Variants in CRPPA observed in about 807,000 individuals in gnomAD.
The protein encoded by CRPPA is D-ribitol-5-phosphate cytidylyltransferase.
CRPPA carries 43 observed loss-of-function variants against 52.0 expected under a neutral mutation model. The ratio of observed to expected loss-of-function variants is 0.83; its 90% CI spans 0.65 to 1.07. The LOEUF (loss-of-function observed/expected upper bound fraction) is 1.07, where lower values mean the gene tolerates loss of function less well. CRPPA is among the 50% of genes least tolerant of loss of function. The pLI is 0.00. For missense variants in CRPPA, 629 were observed against 551.7 expected (o/e 1.14, Z -1.40); for synonymous variants, 250 against 203.5 (o/e 1.23, Z -1.94).
intron 9 of CRPPA, among the ~76,000 whole-genome samples, chr7:16,129,663 T>C (rs758579979): frequency 4.6e-5 from 7 of 152,128 alleles, no homozygotes; most frequent in Non-Finnish European, 1.0e-4. Flanking sequence ...TATTTTATTG[T>C]CAAGGAGAGG....
At chr7:16,260,412 T>C (rs1347049164) in intron 6 of CRPPA, among the ~76,000 whole-genome samples, 2 of 152,030 alleles carry the variant, frequency 1.3e-5, no homozygotes, top group African/African-American at 2.4e-5. Flanking sequence ...CAAGGTTCTT[T>C]TTAAAGAACT....
In CRPPA at chr7:16,406,236, A is replaced by G. The variant is rs201328681; in HGVS notation, c.359T>C (p.Val120Ala). Residue 120 changes from valine (V) to alanine (A), a missense_variant, in exon 2 of 10, where the codon GTC becomes GCC. Coordinates refer to ENST00000407010, the MANE Select transcript of CRPPA (RefSeq NM_001101426.4). ...QKYQHKRISL[V>A]EAGVTRHRSI... Reference sequence around the variant, plus strand: ...CCTGTGGCGGGTCACTCCAGCTTCGACCAGTGAGATGCGTTTATGCTGATA... The same window carrying G: ...CCTGTGGCGGGTCACTCCAGCTTCGGCCAGTGAGATGCGTTTATGCTGATA... The G allele has an allele frequency of 6.2e-7, 1 of 1,613,948 alleles. No homozygotes were observed. Among genetic ancestry groups the G allele is most frequent in the South Asian group, 1.1e-5 (1 of 91,088 alleles).
At chr7:16,389,563 T>C (rs1787382595) in intron 2 of CRPPA, among the ~76,000 whole-genome samples, 1 of 152,006 alleles carries the variant, frequency 6.6e-6, no homozygotes, top group Non-Finnish European at 1.5e-5. Flanking sequence ...CACCCCTTTG[T>C]GAGAAAAGCA....
intron 9 of CRPPA, among the ~76,000 whole-genome samples, chr7:16,105,128 G>A (rs1286594684): frequency 6.6e-6 from 1 of 152,096 alleles, no homozygotes; most frequent in Non-Finnish European, 1.5e-5. Flanking sequence ...TGTAGAATAG[G>A]TGAGGTCAGC....
chr7:16,196,133 T>C (rs2128392032), intron 9 of CRPPA, among the ~76,000 whole-genome samples: 1 of 152,286 alleles, frequency 6.6e-6, no homozygotes, highest in South Asian at 2.1e-4. Context: ...AACATATATA[T>C]GTTGTCTTTT....
chr7:16,265,113 TAATA>T (rs1783919037), intron 6 of CRPPA, among the ~76,000 whole-genome samples: 1 of 152,294 alleles, frequency 6.6e-6, no homozygotes, highest in South Asian at 2.1e-4. Flanking sequence ...AGTTGTAAGC[TAATA>T]AATAAATTGG....
At chr7:16,279,931 G>A (rs1210896544) in intron 5 of CRPPA, among the ~76,000 whole-genome samples, 2 of 152,194 alleles carry the variant, frequency 1.3e-5, no homozygotes, top group Non-Finnish European at 2.9e-5. Flanking sequence ...GGCTGGGGAG[G>A]CCTCACAATC....
chr7:16,327,967 G>C (rs1785456647), intron 3 of CRPPA, among the ~76,000 whole-genome samples: 2 of 152,094 alleles, frequency 1.3e-5, no homozygotes, highest in South Asian at 4.1e-4. Context: ...CCAAAGCTAA[G>C]AAAAACCCTC....
intron 9 of CRPPA, among the ~76,000 whole-genome samples, chr7:16,157,183 A>AT (rs71007748): frequency 0.37 from 52,296 of 142,476 alleles, 10,319 homozygotes; most frequent in Admixed American, 0.48. Context: ...AAATGCTGCA[A>AT]TTTTTTTTTT....
intron 1 of CRPPA, among the ~76,000 whole-genome samples, chr7:16,415,319 A>G (rs1788167951): frequency 6.6e-6 from 1 of 152,214 alleles, no homozygotes; most frequent in Admixed American, 6.5e-5. Context: ...CATGTCTGAA[A>G]AGCAGAAAAC....
chr7:16,387,625 A>G (rs1359604595), intron 2 of CRPPA, among the ~76,000 whole-genome samples: 1 of 152,138 alleles, frequency 6.6e-6, no homozygotes, highest in East Asian at 1.9e-4. Context: ...AGACACAAAT[A>G]GTTTGAATTT....
chr7:16,261,033 T>A (rs761463469), intron 6 of CRPPA, among the ~76,000 whole-genome samples: 9 of 152,028 alleles, frequency 5.9e-5, no homozygotes, highest in Admixed American at 1.3e-4. Flanking sequence ...ATACTACATA[T>A]AAATAATTAC....
intron 8 of CRPPA, chr7:16,248,011 T>C (rs1484178006): frequency 2.0e-5 from 3 of 151,580 alleles, no homozygotes; most frequent in East Asian, 1.9e-4. Flanking sequence ...AAGCCTAGGA[T>C]TGAGACACAA....
At chr7:16,243,440 T>A (rs1295165) in intron 8 of CRPPA, among the ~76,000 whole-genome samples, 1 of 151,974 alleles carries the variant, frequency 6.6e-6, no homozygotes, top group African/African-American at 2.4e-5. Flanking sequence ...TAAAGTTACA[T>A]CTAGCAAAAC....
intron 6 of CRPPA, chr7:16,262,045 T>C (rs149264159): frequency 3.9e-5 from 6 of 152,272 alleles, no homozygotes; most frequent in African/African-American, 1.4e-4. Flanking sequence ...GGGTTTTGCA[T>C]CTTGATGTCT....
intron 5 of CRPPA, among the ~76,000 whole-genome samples, chr7:16,281,127 C>G (rs1784313318): frequency 6.6e-6 from 1 of 152,036 alleles, no homozygotes; most frequent in Non-Finnish European, 1.5e-5. Context: ...AAATTTTTAC[C>G]ATCATTTCCA....
chr7:16,149,886 TGAGGCAG>T (rs1562527113), intron 9 of CRPPA, among the ~76,000 whole-genome samples: 6 of 151,156 alleles, frequency 4.0e-5, no homozygotes. Flanking sequence ...CTCGGGAGGC[TGAGGCAG>T]GAGAACTGAT....
At chr7:16,322,498 C>T (rs966329179) in intron 3 of CRPPA, among the ~76,000 whole-genome samples, 13 of 152,104 alleles carry the variant, frequency 8.5e-5, no homozygotes, top group African/African-American at 2.4e-4. Flanking sequence ...CTCCCATTTT[C>T]GCCAAAAACA....
chr7:16,104,400 G>T (rs935746819), intron 9 of CRPPA, among the ~76,000 whole-genome samples: 9 of 152,148 alleles, frequency 5.9e-5, no homozygotes. Context: ...TCATTCTCCA[G>T]GTGGAAAGAA....
Sources: gnomAD v4.1 joint callset for allele counts (sites outside exome capture counted in the v4.1 genomes callset) on GRCh38, gnomAD v4.1.1 for gene constraint, MANE v1.5 for transcripts, NCBI Gene and HGNC (gene_info 2026-07-23, HGNC 2026-07-21) for gene names.